The following MLLT3 variants were observed in gnomAD, a reference collection of about 807,000 sequenced individuals.
MLLT3 encodes MLLT3 super elongation complex subunit.
MLLT3 carries 4 observed loss-of-function variants against 53.2 expected under a neutral mutation model. The observed-to-expected ratio is 0.08, with a 90% CI of 0.04 to 0.17. The LOEUF (loss-of-function observed/expected upper bound fraction) is 0.17. Among genes scored for constraint, MLLT3 ranks in the 10% least tolerant of loss-of-function variants. The pLI is 1.00. For missense variants in MLLT3, 569 were observed against 684.0 expected, an observed-to-expected ratio of 0.83 and a Z score of 1.87; for synonymous variants, 283 against 230.6, an observed-to-expected ratio of 1.23 and a Z score of -2.06.
In MLLT3 at chr9:20,343,183, C is replaced by T. The variant is rs1460687216; in HGVS notation, c.*3260G>A. 2.5e-5 allele frequency: 1 copy of T among 40,138 alleles called. No homozygotes were observed. Among genetic ancestry groups the T allele is most frequent in the African/African-American group, 1.3e-4 (1 of 7,814 alleles). The allele number at this position is 40,138 out of a possible 1,614,324, so 2.5% of individuals were successfully genotyped here. ...TAGGTGGGCCTGTAAAAGATATCGG[C>T]AAAAAAAAAAAAAAAAAAAAAAAAA... On this transcript the variant is annotated 3_prime_UTR_variant, in exon 11 of 11. Coordinates refer to ENST00000380338, the MANE Select transcript of MLLT3 (RefSeq NM_004529.4).
chr9:20,411,505 G>A (rs767946278), intron 5 of MLLT3, among the ~76,000 whole-genome samples: 12 of 152,144 alleles, frequency 7.9e-5, no homozygotes, highest in Non-Finnish European at 1.5e-4. Flanking sequence ...CGGCTGTTGG[G>A]TTTTATACAC....
At chr9:20,590,533 T>C (rs959062346) in intron 2 of MLLT3, among the ~76,000 whole-genome samples, 1 of 152,202 alleles carries the variant, frequency 6.6e-6, no homozygotes, top group Admixed American at 6.5e-5. Context: ...GTTCATTGTC[T>C]GTCTGTCTCT....
At chr9:20,559,453 G>C (rs534731391) in intron 2 of MLLT3, among the ~76,000 whole-genome samples, 48 of 152,240 alleles carry the variant, frequency 3.2e-4, no homozygotes, top group African/African-American at 1.1e-3. Flanking sequence ...CAGTGCAAAG[G>C]GTAAGAATAG....
intron 2 of MLLT3, among the ~76,000 whole-genome samples, chr9:20,582,384 C>G (rs553629177): frequency 4.4e-4 from 67 of 152,310 alleles, no homozygotes; most frequent in African/African-American, 1.4e-3. Flanking sequence ...CATGTTCTAC[C>G]TATTCGTCCC....
intron 2 of MLLT3, among the ~76,000 whole-genome samples, chr9:20,470,812 C>G (rs1219747932): frequency 6.6e-6 from 1 of 152,054 alleles, no homozygotes; most frequent in South Asian, 2.1e-4. Flanking sequence ...TAAAATGATG[C>G]TTTATGTATA....
intron 4 of MLLT3, among the ~76,000 whole-genome samples, chr9:20,428,545 T>C (rs563125832): frequency 1.3e-5 from 2 of 152,212 alleles, no homozygotes; most frequent in South Asian, 4.1e-4. Flanking sequence ...ATTAATTTTG[T>C]GGAATTAAAA....
chr9:20,383,927 C>T (rs1485206381), intron 5 of MLLT3, among the ~76,000 whole-genome samples: 1 of 151,886 alleles, frequency 6.6e-6, no homozygotes, highest in Non-Finnish European at 1.5e-5. Context: ...AATCTAAGCA[C>T]AAATGATCTA....
chr9:20,573,502 CT>C (rs1429948979), intron 2 of MLLT3, among the ~76,000 whole-genome samples: 1 of 151,842 alleles, frequency 6.6e-6, no homozygotes, highest in Non-Finnish European at 1.5e-5. Flanking sequence ...TTAAAAACCA[CT>C]AAGACATAAT....
chr9:20,386,639 A>G lies in MLLT3; in HGVS notation c.1126-20895T>C, dbSNP rs116960473. Among the ~76,000 whole-genome samples, 51 of 152,326 alleles carry G rather than the reference A, an allele frequency of 3.3e-4. No homozygotes were observed. The East Asian group carries it at 9.3e-3, about 28-fold the overall frequency. ...CATCCCATGGATGCCCCAAACTCCT[A>G]TTCTAAAGATGTGCTGGAATGAGAC... On this transcript the variant is annotated intron_variant, in intron 5 of 10. Coordinates refer to ENST00000380338, the MANE Select transcript of MLLT3 (RefSeq NM_004529.4).
At chr9:20,462,857 T>C (rs1824145286) in intron 2 of MLLT3, among the ~76,000 whole-genome samples, 2 of 151,782 alleles carry the variant, frequency 1.3e-5, no homozygotes, top group African/African-American at 4.8e-5. Context: ...AGGGATAGAG[T>C]AAGACTGACA....
chr9:20,516,243 G>A lies in MLLT3; in HGVS notation c.194-59457C>T, dbSNP rs148544510. 9.7e-3 allele frequency among the ~76,000 whole-genome samples: 1,472 copies of A among 152,290 alleles called. 19 individuals are homozygous for A. The highest frequency in any genetic ancestry group is 0.013 in the Non-Finnish European group (890 of 68,018). On this transcript the variant is annotated intron_variant, in intron 2 of 10. Coordinates refer to ENST00000380338, the MANE Select transcript of MLLT3 (RefSeq NM_004529.4). ...TGGAAACAAATGTTTACACTAAACG[G>A]CTCTCTGGTCACAACCAGCACAAAC...
chr9:20,381,256 T>C (rs1388917000), intron 5 of MLLT3, among the ~76,000 whole-genome samples: 1 of 151,960 alleles, frequency 6.6e-6, no homozygotes, highest in Admixed American at 6.6e-5. Context: ...AACATTTACA[T>C]ATAATATTAA....
intron 2 of MLLT3, among the ~76,000 whole-genome samples, chr9:20,592,421 T>A (rs7020494): frequency 0.3 from 45,803 of 152,032 alleles, 7,432 homozygotes; most frequent in South Asian, 0.43. Context: ...TCTCCTTGGC[T>A]TACAGATGGC....
chr9:20,460,581 C>T (rs1042851231), intron 2 of MLLT3, among the ~76,000 whole-genome samples: 1 of 152,196 alleles, frequency 6.6e-6, no homozygotes, highest in Non-Finnish European at 1.5e-5. Flanking sequence ...ATTTCCCTCT[C>T]AGACTCCTCC....
chr9:20,595,766 T>C (rs1288587992), intron 2 of MLLT3, among the ~76,000 whole-genome samples: 1 of 152,228 alleles, frequency 6.6e-6, no homozygotes, highest in Non-Finnish European at 1.5e-5. Context: ...CACGATTTTA[T>C]ATAAAAAGTC....
chr9:20,495,169 C>G (rs1484328681), intron 2 of MLLT3, among the ~76,000 whole-genome samples: 1 of 152,130 alleles, frequency 6.6e-6, no homozygotes, highest in Non-Finnish European at 1.5e-5. Context: ...GTCCATCATA[C>G]TTACTGTAAA....
At chr9:20,597,367 T>TAA (rs1197045313) in intron 2 of MLLT3, among the ~76,000 whole-genome samples, 7 of 143,452 alleles carry the variant, frequency 4.9e-5, no homozygotes, top group African/African-American at 1.8e-4. Flanking sequence ...CACAGTGACT[T>TAA]AAAAAAAAAA....
chr9:20,391,349 T>C lies in MLLT3; in HGVS notation c.1125+22372A>G, dbSNP rs966933624. 5.3e-5 allele frequency among the ~76,000 whole-genome samples: 8 copies of C among 152,152 alleles called. No individual in the cohort carries two copies. The South Asian group carries it at 8.3e-4, about 16-fold the overall frequency. Reference sequence around the variant, plus strand: ...AGGAAATGGAACAGGTGCCTGAAGATTGTGATCAACAAGGTAAACAAGATA... The same window carrying C: ...AGGAAATGGAACAGGTGCCTGAAGACTGTGATCAACAAGGTAAACAAGATA... On this transcript the variant is annotated intron_variant, in intron 5 of 10. Coordinates refer to ENST00000380338, the MANE Select transcript of MLLT3 (RefSeq NM_004529.4).
chr9:20,423,657 A>AG (rs1823071553), intron 4 of MLLT3, among the ~76,000 whole-genome samples: 1 of 151,750 alleles, frequency 6.6e-6, no homozygotes, highest in African/African-American at 2.4e-5. Flanking sequence ...TACATTAAAA[A>AG]AAAAAAATTA....
Sources: gnomAD v4.1 joint callset for allele counts (sites outside exome capture counted in the v4.1 genomes callset) on GRCh38, gnomAD v4.1.1 for gene constraint, MANE v1.5 for transcripts, NCBI Gene and HGNC (gene_info 2026-07-23, HGNC 2026-07-21) for gene names.